Variants in SEMA4D observed in about 807,000 individuals in gnomAD.
SEMA4D encodes semaphorin 4D, also known as semaphorin-4D.
A neutral mutation model predicts 74.8 loss-of-function variants in SEMA4D; 22 were observed. That is an observed-to-expected ratio of 0.29 (90% confidence interval 0.21 to 0.42). SEMA4D has a LOEUF of 0.42. Among genes scored for constraint, SEMA4D ranks in the 10% least tolerant of loss-of-function variants. The pLI, the probability that SEMA4D is intolerant of heterozygous loss-of-function variation, is 1.00. For synonymous variants in SEMA4D, 445 were observed against 463.7 expected (o/e 0.96, Z 0.52); for missense variants, 937 against 1,118.4 (o/e 0.84, Z 2.31).
intron 2 of SEMA4D, among the ~76,000 whole-genome samples, chr9:89,447,800 TGCTCCC>T (rs1853331856): frequency 6.6e-6 from 1 of 150,382 alleles, no homozygotes; most frequent in Admixed American, 6.7e-5. Context: ...ACCACTTCAG[TGCTCCC>T]TGGACACCCA....
At chr9:89,409,822 G>T (rs1383008778) in intron 2 of SEMA4D, among the ~76,000 whole-genome samples, 2 of 152,148 alleles carry the variant, frequency 1.3e-5, no homozygotes, top group African/African-American at 2.4e-5. Flanking sequence ...TCCCCCAACT[G>T]CAATCAGTCC....
chr9:89,384,332 T>A (rs974727615), intron 13 of SEMA4D, among the ~76,000 whole-genome samples: 1 of 152,202 alleles, frequency 6.6e-6, no homozygotes, highest in African/African-American at 2.4e-5. Context: ...TGGAAAACCC[T>A]GACCCCTGCT....
intron 1 of SEMA4D, among the ~76,000 whole-genome samples, chr9:89,456,760 T>C (rs1408188287): frequency 6.6e-6 from 1 of 152,198 alleles, no homozygotes. Flanking sequence ...CTGATTTTTG[T>C]ATCTTTTTTA....
intron 2 of SEMA4D, among the ~76,000 whole-genome samples, chr9:89,451,402 C>A (rs531408446): frequency 6.6e-6 from 1 of 152,298 alleles, no homozygotes; most frequent in East Asian, 1.9e-4. Context: ...TTTCACAAAG[C>A]TATAAAGAAA....
At chr9:89,363,203 CTT>C (rs534165902) in intron 18 of SEMA4D, among the ~76,000 whole-genome samples, 21 of 152,374 alleles carry the variant, frequency 1.4e-4, no homozygotes, top group East Asian at 5.8e-4. Flanking sequence ...CCTTCAGTCT[CTT>C]TTAAGGGCTG....
chr9:89,393,034 C>G (rs1840185800), intron 7 of SEMA4D, among the ~76,000 whole-genome samples: 1 of 152,180 alleles, frequency 6.6e-6, no homozygotes, highest in Admixed American at 6.5e-5. Context: ...GTCTCAAACT[C>G]CTGTCCTCCC....
At chr9:89,465,049 G>A (rs2135801246) in intron 1 of SEMA4D, among the ~76,000 whole-genome samples, 1 of 152,238 alleles carries the variant, frequency 6.6e-6, no homozygotes, top group East Asian at 1.9e-4. Flanking sequence ...AATACTCACT[G>A]ACCAACCTGT....
chr9:89,420,909 C>T (rs1846786441), intron 2 of SEMA4D, among the ~76,000 whole-genome samples: 1 of 152,214 alleles, frequency 6.6e-6, no homozygotes, highest in Non-Finnish European at 1.5e-5. Flanking sequence ...TTCCTAGGTG[C>T]CCGATGCTGT....
intron 1 of SEMA4D, among the ~76,000 whole-genome samples, chr9:89,468,646 C>CA (rs1355262954): frequency 2.0e-5 from 3 of 152,214 alleles, no homozygotes; most frequent in African/African-American, 7.2e-5. Context: ...ACACGCCACT[C>CA]AGAATAATCA....
chr9:89,451,797 T>C (rs1420279743), intron 2 of SEMA4D, among the ~76,000 whole-genome samples: 4 of 152,180 alleles, frequency 2.6e-5, no homozygotes, highest in African/African-American at 2.4e-5. Flanking sequence ...GCTTTAGTAA[T>C]ATATTTTATC....
intron 1 of SEMA4D, among the ~76,000 whole-genome samples, chr9:89,467,734 G>A (rs992149158): frequency 4.6e-5 from 7 of 152,042 alleles, no homozygotes; most frequent in Non-Finnish European, 8.8e-5. Flanking sequence ...ATTTCACCAC[G>A]TTGGTCAGGC....
chr9:89,442,190 T>C (rs1022952785), intron 2 of SEMA4D, among the ~76,000 whole-genome samples: 6 of 152,180 alleles, frequency 3.9e-5, no homozygotes, highest in Non-Finnish European at 8.8e-5. Flanking sequence ...TGCTGCGCCG[T>C]ACGGCCCAGG....
At chr9:89,462,954 G>GGGAGCGGA (rs140255496) in intron 1 of SEMA4D, among the ~76,000 whole-genome samples, 1 of 9,494 alleles carries the variant, frequency 1.1e-4, no homozygotes. Flanking sequence ...AAGAAAGGAG[G>GGGAGCGGA]GGGGAGCGAG....
intron 17 of SEMA4D, chr9:89,363,736 C>T (rs761915841): frequency 1.2e-6 from 2 of 1,611,228 alleles, no homozygotes; most frequent in South Asian, 2.2e-5. Context: ...ATGGGAATCA[C>T]TTACCAGGTC....
At chr9:89,446,504 A>G (rs1852890088) in intron 2 of SEMA4D, among the ~76,000 whole-genome samples, 1 of 152,212 alleles carries the variant, frequency 6.6e-6, no homozygotes, top group South Asian at 2.1e-4. Context: ...ACCCAGCCCA[A>G]CATGGGCTAA....
At chr9:89,426,098 G>A (rs1240149342) in intron 2 of SEMA4D, among the ~76,000 whole-genome samples, 3 of 152,308 alleles carry the variant, frequency 2.0e-5, no homozygotes, top group Middle Eastern at 3.4e-3. Context: ...CAGGGGGAGC[G>A]CATGCAGTTT....
Position 89,363,508 on chromosome 9 carries a change from CCT to C in SEMA4D, c.2110_2111del (p.Arg704ValfsTer30). Reference sequence around the variant, plus strand: ...TCCAGGCAGAGAGCTCTCTGGTCCACCTCTCCTGGTGGGTCACTTCTGGAAAA... The same window carrying C: ...TCCAGGCAGAGAGCTCTCTGGTCCACCTCCTGGTGGGTCACTTCTGGAAAA... On this transcript the variant is annotated frameshift_variant, in exon 18 of 19. Transcript: ENST00000339861. LOFTEE classifies it high-confidence loss of function. 6.2e-7 allele frequency: 1 copy of C among 1,614,092 alleles called. No individual in the cohort carries two copies.
At chr9:89,466,988 G>A (rs533901167) in intron 1 of SEMA4D, among the ~76,000 whole-genome samples, 8 of 152,168 alleles carry the variant, frequency 5.3e-5, no homozygotes, top group East Asian at 1.9e-4. Flanking sequence ...GAGCAGAAAC[G>A]AAAATGTCAC....
intron 2 of SEMA4D, among the ~76,000 whole-genome samples, chr9:89,425,680 C>CT (rs1177544630): frequency 1.3e-5 from 2 of 152,232 alleles, no homozygotes; most frequent in East Asian, 3.8e-4. Context: ...GCCCCACTGG[C>CT]TGTACATCCA....
Sources: gnomAD v4.1 joint callset for allele counts (sites outside exome capture counted in the v4.1 genomes callset) on GRCh38, gnomAD v4.1.1 for gene constraint, MANE v1.5 for transcripts, NCBI Gene and HGNC (gene_info 2026-07-23, HGNC 2026-07-21) for gene names.